MAML2: variants seen among roughly 807,000 people sequenced by gnomAD.
MAML2 encodes mastermind-like protein 2.
MAML2 carries 22 observed loss-of-function variants against 96.1 expected under a neutral mutation model. That is an observed-to-expected ratio of 0.23 (90% CI 0.16 to 0.33). The LOEUF is 0.33. Among genes scored for constraint, MAML2 ranks in the 10% least tolerant of loss-of-function variants. The pLI, the probability that MAML2 is intolerant of heterozygous loss-of-function variation, is 1.00. For missense variants in MAML2, 1,367 were observed against 1,392.4 expected (o/e 0.98, Z 0.29); for synonymous variants, 561 against 521.3 (o/e 1.08, Z -1.04).
intron 2 of MAML2, among the ~76,000 whole-genome samples, chr11:96,003,428 CT>C (rs34985427): frequency 6.6e-6 from 1 of 151,796 alleles, no homozygotes; most frequent in Non-Finnish European, 1.5e-5. Context: ...CAGAACTTGT[CT>C]TTTTTCCCCA....
intron 1 of MAML2, among the ~76,000 whole-genome samples, chr11:96,297,618 T>C (rs1282299090): frequency 6.6e-6 from 1 of 152,142 alleles, no homozygotes; most frequent in Non-Finnish European, 1.5e-5. Flanking sequence ...CGTAGAGATA[T>C]ATTTCTGACC....
At chr11:96,110,916 A>G (rs957663288) in intron 1 of MAML2, among the ~76,000 whole-genome samples, 4 of 152,232 alleles carry the variant, frequency 2.6e-5, no homozygotes, top group African/African-American at 9.6e-5. Context: ...TTAAGGTCAC[A>G]TATGGGACTT....
At chr11:96,057,929 C>A (rs548184771) in intron 2 of MAML2, among the ~76,000 whole-genome samples, 1 of 152,316 alleles carries the variant, frequency 6.6e-6, no homozygotes, top group African/African-American at 2.4e-5. Flanking sequence ...CTTTTAATAT[C>A]GAGCAGTTAT....
At chr11:96,283,305 C>A (rs1008649321) in intron 1 of MAML2, among the ~76,000 whole-genome samples, 1 of 152,102 alleles carries the variant, frequency 6.6e-6, no homozygotes, top group Admixed American at 6.5e-5. Context: ...AGTTTATTAA[C>A]CAGAAATTAA....
intron 2 of MAML2, among the ~76,000 whole-genome samples, chr11:96,061,493 A>G (rs779011358): frequency 9.2e-5 from 14 of 152,186 alleles, no homozygotes; most frequent in Non-Finnish European, 1.9e-4. Context: ...GAGAAGATAA[A>G]TACGGTTCCC....
intron 1 of MAML2, among the ~76,000 whole-genome samples, chr11:96,131,748 G>T (rs1860552284): frequency 6.6e-6 from 1 of 152,188 alleles, no homozygotes; most frequent in African/African-American, 2.4e-5. Flanking sequence ...GGTGGCTCAT[G>T]CCTGTAATCC....
chr11:96,303,638 C>T (rs768766952), intron 1 of MAML2, among the ~76,000 whole-genome samples: 4 of 152,100 alleles, frequency 2.6e-5, no homozygotes, highest in Non-Finnish European at 5.9e-5. Context: ...TATATCTTAG[C>T]AATAGTGACT....
intron 2 of MAML2, among the ~76,000 whole-genome samples, chr11:96,003,941 T>C (rs1232162786): frequency 6.6e-6 from 1 of 152,144 alleles, no homozygotes; most frequent in Non-Finnish European, 1.5e-5. Flanking sequence ...AACTTAGTAA[T>C]AGCTGAGCAT....
intron 2 of MAML2, among the ~76,000 whole-genome samples, chr11:96,073,776 G>C (rs758867804): frequency 6.6e-6 from 1 of 152,150 alleles, no homozygotes; most frequent in Non-Finnish European, 1.5e-5. Context: ...AAGGTGATAC[G>C]GCTCTGGTTG....
At chr11:96,339,897 GA>G (rs1863969078) in intron 1 of MAML2, among the ~76,000 whole-genome samples, 1 of 152,188 alleles carries the variant, frequency 6.6e-6, no homozygotes, top group Admixed American at 6.5e-5. Context: ...GCAGGTGGTA[GA>G]AAAAGGATAT....
chr11:95,979,713 A>G lies in MAML2; in HGVS notation c.2706T>C (p.Asn902=), dbSNP rs370878631. The change falls in exon 5 of 5, where the codon AAT becomes AAC. Residue 902 remains asparagine (N), a synonymous_variant. Transcript: ENST00000524717. ...QQRNPKQLLA[N]QNNPMMPRPP... is the part of the protein sequence containing the mutation. ...GCCGTGGCATCATAGGGTTGTTTTG[A>G]TTTGCTAACAATTGCTTTGGGTTTC... 22 of 1,613,568 alleles carry G rather than the reference A, an allele frequency of 1.4e-5. No individual in the cohort carries two copies. In the African/African-American group the frequency reaches 1.9e-4, roughly 14 times the overall value.
At position 96,280,794 on chromosome 11, in the gene MAML2, T is replaced by C. The variant is rs1033095068; in HGVS notation, c.513+60589A>G. On this transcript the variant is annotated intron_variant, in intron 1 of 4. Coordinates refer to ENST00000524717, the MANE Select transcript of MAML2 (RefSeq NM_032427.4). ...GTCCTTTCCCTCTGGTGTTGTTATT[T>C]GGTTAAATTGATTTACATAATGTTA... 1.1e-4 allele frequency among the ~76,000 whole-genome samples: 16 copies of C among 152,256 alleles called. 1 individual carries two copies. The highest frequency in any genetic ancestry group is 3.9e-4 in the African/African-American group (16 of 41,456).
intron 1 of MAML2, among the ~76,000 whole-genome samples, chr11:96,335,894 T>C (rs1863914676): frequency 6.6e-6 from 1 of 152,024 alleles, no homozygotes; most frequent in African/African-American, 2.4e-5. Flanking sequence ...GCGACCCCAA[T>C]CCCACATTTC....
At chr11:96,101,447 G>A (rs905327472) in intron 1 of MAML2, among the ~76,000 whole-genome samples, 3 of 152,220 alleles carry the variant, frequency 2.0e-5, no homozygotes, top group African/African-American at 7.2e-5. Flanking sequence ...CGGAGAGGCA[G>A]ACATCTTCTC....
chr11:96,027,777 G>A (rs1414970502), intron 2 of MAML2, among the ~76,000 whole-genome samples: 3 of 152,120 alleles, frequency 2.0e-5, no homozygotes, highest in Non-Finnish European at 4.4e-5. Context: ...TGCCACTCAG[G>A]CTGGAGTGCA....
At chr11:95,983,336 C>A (rs1343599453) in intron 4 of MAML2, among the ~76,000 whole-genome samples, 1 of 152,090 alleles carries the variant, frequency 6.6e-6, no homozygotes, top group African/African-American at 2.4e-5. Context: ...ACGTTCTCAT[C>A]CATATGTGTA....
At position 96,093,088 on chromosome 11, in the gene MAML2, T is replaced by C. The variant is rs750000932; in HGVS notation, c.943A>G (p.Asn315Asp). Residue 315 changes from asparagine to aspartate, a missense_variant, in exon 2 of 5, where the codon AAC becomes GAC. Transcript: ENST00000524717. Reference protein sequence around the residue: ...ELQELFNELTNISVPPMSDLE... With the variant: ...ELQELFNELTDISVPPMSDLE... ...TCACTCATGGGAGGCACAGATATGT[T>C]GGTCAGTTCATTGAACAGTTCCTGC... The C allele has an allele frequency of 1.2e-6, 2 of 1,614,042 alleles. No individual in the cohort carries two copies. The highest frequency in any genetic ancestry group is 1.7e-6 in the Non-Finnish European group (2 of 1,179,880).
At chr11:96,254,117 T>G (rs1862627432) in intron 1 of MAML2, among the ~76,000 whole-genome samples, 1 of 152,138 alleles carries the variant, frequency 6.6e-6, no homozygotes, top group Admixed American at 6.5e-5. Context: ...CAGGGGAAAG[T>G]GATTTGATGT....
chr11:96,166,640 C>T (rs965715856), intron 1 of MAML2, among the ~76,000 whole-genome samples: 4 of 152,224 alleles, frequency 2.6e-5, no homozygotes, highest in Admixed American at 2.0e-4. Context: ...CGCTGGCATT[C>T]ACCCAGATGG....
Sources: gnomAD v4.1 joint callset for allele counts (sites outside exome capture counted in the v4.1 genomes callset) on GRCh38, gnomAD v4.1.1 for gene constraint, MANE v1.5 for transcripts, NCBI Gene and HGNC (gene_info 2026-07-23, HGNC 2026-07-21) for gene names.